Variants in CNTN4 observed in about 807,000 individuals in gnomAD.
The protein encoded by CNTN4 is contactin 4, also known as contactin-4.
A neutral mutation model predicts 122.5 loss-of-function variants in CNTN4; 77 were observed. The ratio of observed to expected loss-of-function variants is 0.63; its 90% CI spans 0.52 to 0.76. The LOEUF (loss-of-function observed/expected upper bound fraction) is 0.76. CNTN4 is among the 30% of genes least tolerant of loss of function. The probability of loss-of-function intolerance (pLI) is 0.00; values close to 1 mark genes in which losing one functional copy is unlikely to be tolerated. For synonymous variants in CNTN4, 512 were observed against 447.0 expected (o/e 1.15, Z -1.83); for missense variants, 1,256 against 1,259.1 (o/e 1.00, Z 0.04).
At chr3:2,632,612 C>T (rs2082493115) in intron 4 of CNTN4, among the ~76,000 whole-genome samples, 1 of 152,144 alleles carries the variant, frequency 6.6e-6, no homozygotes, top group Non-Finnish European at 1.5e-5. Context: ...CCTTGAGCCT[C>T]TTAGGGCGTG....
chr3:2,298,873 A>T (rs907691033), intron 2 of CNTN4, among the ~76,000 whole-genome samples: 2 of 152,214 alleles, frequency 1.3e-5, no homozygotes, highest in African/African-American at 4.8e-5. Context: ...ATATGGGAGA[A>T]GGCTTTGTAA....
At chr3:2,569,339 G>C (rs894103433) in intron 3 of CNTN4, among the ~76,000 whole-genome samples, 1 of 152,150 alleles carries the variant, frequency 6.6e-6, no homozygotes, top group Non-Finnish European at 1.5e-5. Flanking sequence ...AGTAGCTTGT[G>C]TTGGCCCATG....
In CNTN4 at chr3:3,043,177, T is replaced by G; in HGVS notation, c.2698+14T>G. The G allele has an allele frequency of 6.2e-7, 1 of 1,613,774 alleles. No individual in the cohort carries two copies. Among genetic ancestry groups the G allele is most frequent in the Middle Eastern group, 1.7e-4 (1 of 6,060 alleles). ...CCCGAAAGCCACGTAAGAACAGACT[T>G]GCTCAGAAATATTTTGGGGATTCAT... On this transcript the variant is annotated intron_variant, in intron 22 of 24. Transcript: ENST00000418658.
intron 3 of CNTN4, among the ~76,000 whole-genome samples, chr3:2,360,592 C>T (rs558249579): frequency 2.0e-5 from 3 of 152,106 alleles, no homozygotes; most frequent in Non-Finnish European, 2.9e-5. Context: ...ACTCACAGTT[C>T]AACATGGCTG....
intron 4 of CNTN4, among the ~76,000 whole-genome samples, chr3:2,587,309 G>A (rs1219091931): frequency 6.6e-6 from 1 of 152,162 alleles, no homozygotes; most frequent in Non-Finnish European, 1.5e-5. Context: ...AAATGCAGAA[G>A]TATTGTTTGT....
intron 10 of CNTN4, among the ~76,000 whole-genome samples, chr3:2,892,029 T>A (rs1005461232): frequency 6.6e-6 from 1 of 152,236 alleles, no homozygotes; most frequent in Non-Finnish European, 1.5e-5. Flanking sequence ...GATATGCTCA[T>A]TTCATTCCTA....
chr3:2,673,785 G>T (rs548093282), intron 4 of CNTN4, among the ~76,000 whole-genome samples: 21 of 151,952 alleles, frequency 1.4e-4, no homozygotes, highest in African/African-American at 4.8e-4. Flanking sequence ...CTCGTGATCC[G>T]CCTGCCTCAG....
intron 3 of CNTN4, among the ~76,000 whole-genome samples, chr3:2,365,322 C>G (rs1335941864): frequency 6.6e-6 from 1 of 152,126 alleles, no homozygotes; most frequent in Non-Finnish European, 1.5e-5. Context: ...AAAGTCAGCC[C>G]CATTCTCTGG....
chr3:2,796,862 G>A (rs2092200705), intron 6 of CNTN4, among the ~76,000 whole-genome samples: 1 of 152,164 alleles, frequency 6.6e-6, no homozygotes, highest in African/African-American at 2.4e-5. Context: ...TTCCTTAAGA[G>A]TTAACTTTCC....
At chr3:2,461,685 T>G (rs2049217622) in intron 3 of CNTN4, among the ~76,000 whole-genome samples, 1 of 152,220 alleles carries the variant, frequency 6.6e-6, no homozygotes, top group African/African-American at 2.4e-5. Context: ...AGATTTGAAT[T>G]TTCGTATTAA....
At chr3:2,441,297 T>C (rs1455065320) in intron 3 of CNTN4, among the ~76,000 whole-genome samples, 3 of 152,200 alleles carry the variant, frequency 2.0e-5, no homozygotes, top group Admixed American at 6.5e-5. Context: ...AATAAGCACA[T>C]GTATTAATAT....
chr3:2,559,245 C>G (rs532440632), intron 3 of CNTN4, among the ~76,000 whole-genome samples: 4 of 152,294 alleles, frequency 2.6e-5, no homozygotes, highest in African/African-American at 7.2e-5. Context: ...TAGTTTGTAT[C>G]TGATAATGAA....
rs1461946942 is a variant in CNTN4 at position 2,902,907 on chromosome 3, A to G, written c.1109A>G (p.Asn370Ser). 1.9e-6 allele frequency: 3 copies of G among 1,613,812 alleles called. No individual in the cohort carries two copies. The highest frequency in any genetic ancestry group is 1.7e-5 in the Admixed American group (1 of 59,998). The change falls in exon 12 of 25, where the codon AAC (asparagine) becomes AGC (serine). Residue 370 changes from asparagine (N) to serine (S), a missense_variant. Physicochemically the swap from Asn to Ser is conservative, Grantham distance 46. Coordinates refer to ENST00000418658, the MANE Select transcript of CNTN4 (RefSeq NM_175607.3). The part of the protein sequence containing the change: ...DRIQIEQGTL[N>S]ITIVNLSDAG... Reference sequence around the variant, plus strand: ...ATTCAAATTGAGCAAGGAACACTCAACATAACAATAGTGAACCTCTCAGAT... The same window carrying G: ...ATTCAAATTGAGCAAGGAACACTCAGCATAACAATAGTGAACCTCTCAGAT...
intron 2 of CNTN4, among the ~76,000 whole-genome samples, chr3:2,129,349 A>G (rs373536950): frequency 1.3e-5 from 2 of 151,320 alleles, no homozygotes; most frequent in Non-Finnish European, 2.9e-5. Context: ...GAGAAACAAA[A>G]TAACTGTTGG....
At chr3:2,325,027 C>T (rs564460748) in intron 2 of CNTN4, among the ~76,000 whole-genome samples, 4 of 152,258 alleles carry the variant, frequency 2.6e-5, no homozygotes, top group South Asian at 2.1e-4. Context: ...AAAGTCTGGT[C>T]GAGGAAACCT....
intron 6 of CNTN4, among the ~76,000 whole-genome samples, chr3:2,747,409 AAAAAAAAAATAAAAAT>A (rs1297175085): frequency 1.0e-4 from 3 of 28,914 alleles, no homozygotes; most frequent in African/African-American, 2.6e-4. Flanking sequence ...ACTCCGTCTA[AAAAAAAAAATAAAAAT>A]AAAAATAAAA....
chr3:3,037,408 T>C, intron 18 of CNTN4, 80 bp downstream of exon 18: 1 of 1,576,080 alleles, frequency 6.3e-7, no homozygotes, highest in Admixed American at 1.7e-5. Flanking sequence ...CTTGCTGCTC[T>C]TCAGCGCTCA....
At chr3:2,416,133 A>G (rs574450135) in intron 3 of CNTN4, among the ~76,000 whole-genome samples, 1 of 150,832 alleles carries the variant, frequency 6.6e-6, no homozygotes. Flanking sequence ...ATATATATAT[A>G]TGACAATGGT....
chr3:2,840,471 C>T (rs189867962), intron 7 of CNTN4, among the ~76,000 whole-genome samples: 45 of 148,090 alleles, frequency 3.0e-4, no homozygotes, highest in South Asian at 2.9e-3. Flanking sequence ...GAGGCCGAGG[C>T]GGGCGGATCA....
Sources: gnomAD v4.1 joint callset for allele counts (sites outside exome capture counted in the v4.1 genomes callset) on GRCh38, gnomAD v4.1.1 for gene constraint, MANE v1.5 for transcripts, NCBI Gene and HGNC (gene_info 2026-07-23, HGNC 2026-07-21) for gene names.